The following CNOT1 variants were observed in gnomAD, a reference collection of about 807,000 sequenced individuals.
CNOT1 encodes the protein CCR4-NOT transcription complex subunit 1, also known as CCR4-associated factor 1.
Under a neutral mutation model 273.8 loss-of-function variants are expected in CNOT1, and 15 were observed. The ratio of observed to expected loss-of-function variants is 0.05; its 90% CI spans 0.04 to 0.08. The LOEUF (loss-of-function observed/expected upper bound fraction) is 0.08, where lower values mean the gene tolerates loss of function less well. CNOT1 is among the 10% of genes least tolerant of loss of function. The pLI is 1.00. For missense variants in CNOT1, 1,644 were observed against 2,912.2 expected (o/e 0.56, Z 10.02); for synonymous variants, 1,022 against 1,005.5 (o/e 1.02, Z -0.31).
At chr16:58,530,853 G>C (rs561910393) in intron 42 of CNOT1, among the ~76,000 whole-genome samples, 11 of 151,970 alleles carry the variant, frequency 7.2e-5, no homozygotes, top group Non-Finnish European at 1.5e-4. Context: ...AGTTATTATG[G>C]AGATAGTGGG....
chr16:58,596,114 T>C lies in CNOT1; in HGVS notation c.102+3122A>G, dbSNP rs187129321. On this transcript the variant is annotated intron_variant, in intron 2 of 48. Transcript: ENST00000317147. ...TTGTTCAATAAACACTGACAGCACCTGTGTGCAAGGCAGTGGGACAAGTGC... is the reference window on the plus strand; with the variant it reads ...TTGTTCAATAAACACTGACAGCACCCGTGTGCAAGGCAGTGGGACAAGTGC... Among the ~76,000 whole-genome samples the C allele has an allele frequency of 1.3e-3, 199 of 152,262 alleles. 1 individual carries two copies. The highest frequency in any genetic ancestry group is 1.8e-3 in the Non-Finnish European group (122 of 68,022).
intron 1 of CNOT1, among the ~76,000 whole-genome samples, chr16:58,621,124 C>G (rs1312922570): frequency 6.6e-6 from 1 of 151,966 alleles, no homozygotes; most frequent in Non-Finnish European, 1.5e-5. Context: ...ATCCTCCCAC[C>G]TCAAGTTTTG....
chr16:58,603,923 A>G (rs1353325451), intron 1 of CNOT1, among the ~76,000 whole-genome samples: 6 of 152,230 alleles, frequency 3.9e-5, no homozygotes, highest in Non-Finnish European at 5.9e-5. Context: ...GTTACATAAC[A>G]AACAAGTAAT....
chr16:58,543,242 C>T, intron 31 of CNOT1: 2 of 1,540,306 alleles, frequency 1.3e-6, no homozygotes, highest in Non-Finnish European at 1.7e-6. Context: ...GCACATGCAA[C>T]ATCACTTTAA....
chr16:58,604,809 C>CA (rs2042611993), intron 1 of CNOT1, among the ~76,000 whole-genome samples: 1 of 89,780 alleles, frequency 1.1e-5, no homozygotes, highest in Non-Finnish European at 2.1e-5. Flanking sequence ...AAAAAAAAAA[C>CA]AAAAAACAAA....
chr16:58,619,038 CTTTTT>C (rs1192946177), intron 1 of CNOT1, among the ~76,000 whole-genome samples: 3 of 152,010 alleles, frequency 2.0e-5, no homozygotes, highest in Admixed American at 2.0e-4. Flanking sequence ...TATAAAAAAA[CTTTTT>C]TTAATTAGCT....
chr16:58,618,473 T>A (rs956009757), intron 1 of CNOT1, among the ~76,000 whole-genome samples: 1 of 151,836 alleles, frequency 6.6e-6, no homozygotes, highest in Non-Finnish European at 1.5e-5. Context: ...TCCCAGCTAC[T>A]TGGGAGGCTG....
In CNOT1 at chr16:58,546,309, T is replaced by C. The variant is rs2241570; in HGVS notation, c.4006+12A>G. On this transcript the variant is annotated intron_variant, in intron 29 of 48. Transcript: ENST00000317147. ...CTAACAGAAGCCTTCCTTGACTAAT[T>C]AGCACACTTACTTGTGGTTGTGATG... 519,287 of 1,608,370 alleles carry C rather than the reference T, an allele frequency of 0.32. 90,922 individuals carry two copies. Among genetic ancestry groups the C allele is most frequent in the East Asian group, 0.61 (27,175 of 44,792 alleles).
At chr16:58,621,717 G>C (rs2043323952) in intron 1 of CNOT1, among the ~76,000 whole-genome samples, 1 of 148,868 alleles carries the variant, frequency 6.7e-6, no homozygotes, top group Admixed American at 6.7e-5. Flanking sequence ...AGGAGATCGA[G>C]ACCATCCTGG....
At chr16:58,581,257 G>T in intron 11 of CNOT1, 88 bp downstream of exon 11, 1 of 1,424,054 alleles carries the variant, frequency 7.0e-7, no homozygotes, top group Non-Finnish European at 9.4e-7. Context: ...TACTTTACAA[G>T]AATATTTCGA....
intron 1 of CNOT1, among the ~76,000 whole-genome samples, chr16:58,622,826 G>A (rs551267295): frequency 5.4e-4 from 81 of 149,208 alleles, no homozygotes; most frequent in African/African-American, 1.8e-3. Context: ...TAACCCAGGC[G>A]CCAAGAGTGA....
chr16:58,523,694 T>A, intron 46 of CNOT1, 192 bp from the exon 47 acceptor site: 3 of 463,942 alleles, frequency 6.5e-6, no homozygotes, highest in Non-Finnish European at 1.1e-5. Flanking sequence ...CATTAGAAAT[T>A]AGATTTTAAA....
rs1567398226 is a variant in CNOT1 at position 58,546,553 on chromosome 16, C to G, written c.3829-55G>C. The G allele has an allele frequency of 3.7e-6, 6 of 1,602,348 alleles. No homozygotes were observed. The Admixed American group carries it at 8.7e-5, about 23-fold the overall frequency. On this transcript the variant is annotated intron_variant, in intron 28 of 48. Coordinates refer to ENST00000317147, the MANE Select transcript of CNOT1 (RefSeq NM_016284.5). ...TTTAAAAGAAAACTTTAGTTTTACTCATAATATACTCTACTTTCAGTTATT... is the reference window on the plus strand; with the variant it reads ...TTTAAAAGAAAACTTTAGTTTTACTGATAATATACTCTACTTTCAGTTATT...
At chr16:58,551,317 C>T in intron 23 of CNOT1, 45 bp from the exon 24 acceptor site, 2 of 1,522,420 alleles carry the variant, frequency 1.3e-6, no homozygotes, top group Non-Finnish European at 1.8e-6. Flanking sequence ...AGTTGAAATG[C>T]TTCCCTGAAA....
intron 10 of CNOT1, among the ~76,000 whole-genome samples, chr16:58,581,859 C>T (rs1017516291): frequency 1.3e-5 from 2 of 151,966 alleles, no homozygotes; most frequent in African/African-American, 4.8e-5. Flanking sequence ...GACAGGTTTT[C>T]GCCATGCTGG....
At chr16:58,528,739 A>C in intron 43 of CNOT1, 91 bp from the exon 44 acceptor site, 2 of 773,782 alleles carry the variant, frequency 2.6e-6, no homozygotes, top group Non-Finnish European at 4.1e-6. Flanking sequence ...CCCCCCTCAA[A>C]AGAATGAAGT....
At chr16:58,545,621 G>GCCAC in intron 29 of CNOT1, 130 bp from the exon 30 acceptor site, 9 of 1,398,532 alleles carry the variant, frequency 6.4e-6, no homozygotes, top group South Asian at 1.5e-5. Flanking sequence ...GAAGGATGTA[G>GCCAC]CAGGTCCTAT....
chr16:58,620,818 A>G (rs1292484014), intron 1 of CNOT1, among the ~76,000 whole-genome samples: 2 of 152,142 alleles, frequency 1.3e-5, no homozygotes, highest in African/African-American at 4.8e-5. Context: ...AAGAAAGGAT[A>G]TTTCCAAAGC....
chr16:58,534,752 A>G (rs1190048036), intron 39 of CNOT1, among the ~76,000 whole-genome samples: 2 of 152,218 alleles, frequency 1.3e-5, no homozygotes, highest in African/African-American at 4.8e-5. Context: ...CAAGGAGAAG[A>G]CTAAATTGCA....
Sources: gnomAD v4.1 joint callset for allele counts (sites outside exome capture counted in the v4.1 genomes callset) on GRCh38, gnomAD v4.1.1 for gene constraint, MANE v1.5 for transcripts, NCBI Gene and HGNC (gene_info 2026-07-23, HGNC 2026-07-21) for gene names.